LCOR: variants seen among roughly 807,000 people sequenced by gnomAD.
The protein encoded by LCOR is ligand-dependent corepressor.
A neutral mutation model predicts 64.4 loss-of-function variants in LCOR; 14 were observed. The observed-to-expected ratio is 0.22, with a 90% CI of 0.14 to 0.34. LCOR has a LOEUF of 0.34. Ranked by LOEUF, LCOR falls within the 10% of genes least tolerant of loss-of-function variation. The pLI is 1.00. For missense variants in LCOR, 1,686 were observed against 1,765.3 expected (o/e 0.96, Z 0.80); for synonymous variants, 643 against 642.5 (o/e 1.00, Z -0.01).
chr10:96,883,181 G>T (rs917306543), intron 2 of LCOR, among the ~76,000 whole-genome samples: 1 of 151,998 alleles, frequency 6.6e-6, no homozygotes, highest in African/African-American at 2.4e-5. Flanking sequence ...TTACAGGCGC[G>T]TGCCACCACC....
chr10:96,912,146 A>G (rs1357146353), intron 4 of LCOR, among the ~76,000 whole-genome samples: 1 of 151,792 alleles, frequency 6.6e-6, no homozygotes, highest in African/African-American at 2.4e-5. Context: ...GTTGGTCAGG[A>G]TGGTCTCAAA....
intron 4 of LCOR, among the ~76,000 whole-genome samples, chr10:96,913,463 G>C (rs1473677856): frequency 6.6e-6 from 1 of 152,108 alleles, no homozygotes; most frequent in African/African-American, 2.4e-5. Context: ...TGTATGGCTG[G>C]GATAGAGATG....
intron 7 of LCOR, among the ~76,000 whole-genome samples, chr10:96,965,061 T>G (rs778266678): frequency 2.1e-4 from 32 of 151,980 alleles, no homozygotes; most frequent in Non-Finnish European, 3.8e-4. Flanking sequence ...CAGGCTGGAA[T>G]GCAGTGGCAC....
chr10:96,934,227 T>TAA (rs1847310322), intron 4 of LCOR, among the ~76,000 whole-genome samples: 1 of 152,210 alleles, frequency 6.6e-6, no homozygotes, highest in Non-Finnish European at 1.5e-5. Flanking sequence ...TGTTTTTGTG[T>TAA]AACTGAATTT....
rs1462023088 is a variant in LCOR, at chr10:96,985,284, CAGAT to C, written c.*151_*154del. 7.1e-6 allele frequency: 7 copies of C among 980,606 alleles called. No homozygotes were observed. The highest frequency in any genetic ancestry group is 3.5e-4 in the Middle Eastern group (1 of 2,872). The allele number at this position is 980,606 out of a possible 1,614,324, so 60.7% of individuals were successfully genotyped here. A position where few individuals can be genotyped will look rare whatever the true frequency, so the allele number is the denominator to read the frequency against. The stretch of plus-strand genomic sequence containing the variant: ...ATTTGAGATGTCAGAAAATGCATCT[CAGAT>C]GGAGAAGGGAACTTGCAGAGTCCTT... On this transcript the variant is annotated 3_prime_UTR_variant, in exon 8 of 8. Coordinates refer to ENST00000421806, the MANE Select transcript of LCOR (RefSeq NM_001346516.2).
At chr10:96,914,703 T>G (rs1349921978) in intron 4 of LCOR, among the ~76,000 whole-genome samples, 1 of 152,212 alleles carries the variant, frequency 6.6e-6, no homozygotes, top group Non-Finnish European at 1.5e-5. Context: ...CCGAATGAAG[T>G]CTTTATCTAA....
chr10:96,868,903 G>A (rs1846023656), intron 2 of LCOR, among the ~76,000 whole-genome samples: 1 of 151,916 alleles, frequency 6.6e-6, no homozygotes, highest in African/African-American at 2.4e-5. Context: ...ATTAATTGTT[G>A]GTTTTTGTTG....
chr10:96,879,667 G>T (rs1003121938), intron 2 of LCOR, among the ~76,000 whole-genome samples: 3 of 151,712 alleles, frequency 2.0e-5, no homozygotes, highest in African/African-American at 7.3e-5. Flanking sequence ...TTTGTTTTGT[G>T]TTTTTTTTGC....
chr10:96,839,835 G>GC (rs1845508786), intron 2 of LCOR, among the ~76,000 whole-genome samples: 1 of 151,970 alleles, frequency 6.6e-6, no homozygotes, highest in Non-Finnish European at 1.5e-5. Flanking sequence ...ACAGGCGGGT[G>GC]GCACCATACC....
chr10:96,952,850 G>A (rs560609906), intron 7 of LCOR, among the ~76,000 whole-genome samples: 1 of 152,232 alleles, frequency 6.6e-6, no homozygotes, highest in South Asian at 2.1e-4. Context: ...TTAATATTAA[G>A]ACATTTAGAT....
Position 96,949,259 on chromosome 10 carries a change from A to C in LCOR, c.202A>C (p.Thr68Pro). Residue 68 changes from threonine (T) to proline (P), a missense_variant, in exon 6 of 8, where the codon ACT becomes CCT. This residue lies in a region of LCOR where 80 missense variants were observed against 107.7 expected (regional missense o/e 0.74). Coordinates refer to ENST00000421806, the MANE Select transcript of LCOR (RefSeq NM_001346516.2). ...TGACCAAGACTCACCTCTGGACCTT[A>C]CTGTCAGAAAGTCTCAGTCAGAACC... ...MADQDSPLDLTVRKSQSEPSE... is the reference protein window; with the variant it reads ...MADQDSPLDLPVRKSQSEPSE... The C allele has an allele frequency of 6.2e-7, 1 of 1,614,070 alleles. No individual in the cohort carries two copies. Among genetic ancestry groups the C allele is most frequent in the Non-Finnish European group, 8.5e-7 (1 of 1,179,994 alleles).
intron 4 of LCOR, among the ~76,000 whole-genome samples, chr10:96,909,954 A>G (rs1846800045): frequency 6.6e-6 from 1 of 152,158 alleles, no homozygotes; most frequent in East Asian, 1.9e-4. Flanking sequence ...AAAAGAAGAA[A>G]CAGTTACTAA....
intron 2 of LCOR, among the ~76,000 whole-genome samples, chr10:96,872,921 G>GT (rs978845728): frequency 1.3e-5 from 2 of 151,130 alleles, no homozygotes; most frequent in South Asian, 2.1e-4. Context: ...CAGTAACTAT[G>GT]TTTTTTTAAA....
At chr10:96,838,868 G>A (rs1428659798) in intron 2 of LCOR, among the ~76,000 whole-genome samples, 1 of 151,664 alleles carries the variant, frequency 6.6e-6, no homozygotes, top group African/African-American at 2.4e-5. Context: ...TGGGTCATGT[G>A]GTAACTGTTT....
At chr10:96,895,496 T>C (rs1240198529) in intron 2 of LCOR, among the ~76,000 whole-genome samples, 2 of 152,236 alleles carry the variant, frequency 1.3e-5, no homozygotes, top group African/African-American at 4.8e-5. Flanking sequence ...TCTCTACAGC[T>C]ACCTGGTAAT....
At position 96,984,581 on chromosome 10, in the gene LCOR, G is replaced by A. The variant is rs751370200; in HGVS notation, c.4121G>A (p.Ser1374Asn). ...DADGFPVKPK[S>N]TEGMKGRKGK... ...GATGGGTTTCCTGTTAAGCCCAAGA[G>A]TACTGAAGGAATGAAGGGAAGGAAG... The change falls in exon 8 of 8, where the codon AGT (serine) becomes AAT (asparagine). Residue 1374 changes from serine to asparagine, a missense_variant. Physicochemically the swap from Ser to Asn is conservative, Grantham distance 46. This residue lies in a region of LCOR where 1,293 missense variants were observed against 1,410.4 expected (regional missense o/e 0.92). Transcript: ENST00000421806. 17 of 1,614,198 alleles carry A rather than the reference G, an allele frequency of 1.1e-5. No homozygotes were observed. Among genetic ancestry groups the A allele is most frequent in the Non-Finnish European group, 1.4e-5 (17 of 1,180,042 alleles).
chr10:96,970,810 G>C (rs1025958831), intron 7 of LCOR, among the ~76,000 whole-genome samples: 2 of 151,578 alleles, frequency 1.3e-5, no homozygotes, highest in African/African-American at 4.9e-5. Flanking sequence ...GTAGAGACGG[G>C]GTTTTGCCAT....
chr10:96,958,585 C>G (rs936446317), intron 7 of LCOR: 1 of 623,256 alleles, frequency 1.6e-6, no homozygotes, highest in East Asian at 2.7e-5. Context: ...AAACCAAACT[C>G]TAAACTTTCT....
At chr10:96,852,537 G>A (rs1212075009) in intron 2 of LCOR, among the ~76,000 whole-genome samples, 4 of 152,196 alleles carry the variant, frequency 2.6e-5, no homozygotes, top group Admixed American at 6.5e-5. Context: ...ATCTCATTAT[G>A]TATATGCAAA....
Sources: allele counts gnomAD v4.1 joint callset (sites outside exome capture counted in the v4.1 genomes callset), GRCh38; gene constraint gnomAD v4.1.1; regional missense constraint gnomAD v4.1.1; transcripts MANE v1.5; gene names NCBI Gene and HGNC (gene_info 2026-07-23, HGNC 2026-07-21).